CCDC60: variants seen among roughly 807,000 people sequenced by gnomAD.
The protein encoded by CCDC60 is coiled-coil domain-containing protein 60.
In CCDC60, 54 loss-of-function variants were observed where a neutral mutation model predicts 63.5. That is an observed-to-expected ratio of 0.85 (90% CI 0.68 to 1.07). The LOEUF is 1.07. CCDC60 is among the 50% of genes least tolerant of loss of function. The pLI is 0.00. For synonymous variants in CCDC60, 206 were observed against 238.8 expected, an observed-to-expected ratio of 0.86 and a Z score of 1.27; for missense variants, 651 against 684.3, an observed-to-expected ratio of 0.95 and a Z score of 0.54.
At chr12:119,464,162 T>C (rs1359829409) in intron 2 of CCDC60, among the ~76,000 whole-genome samples, 1 of 144,746 alleles carries the variant, frequency 6.9e-6, no homozygotes, top group African/African-American at 2.6e-5. Flanking sequence ...AAAGCTGAAG[T>C]TCCTGGGGGT....
chr12:119,344,365 A>G (rs1224362314), intron 1 of CCDC60, among the ~76,000 whole-genome samples: 1 of 152,112 alleles, frequency 6.6e-6, no homozygotes, highest in Non-Finnish European at 1.5e-5. Context: ...CGTCTAAATA[A>G]ATGATGCCGT....
chr12:119,360,186 C>G (rs530340317), intron 1 of CCDC60, among the ~76,000 whole-genome samples: 1 of 147,964 alleles, frequency 6.8e-6, no homozygotes, highest in Non-Finnish European at 1.5e-5. Context: ...ACCTCCCTCC[C>G]GGACAGGGCG....
At chr12:119,425,719 C>T (rs1176385830) in intron 1 of CCDC60, among the ~76,000 whole-genome samples, 1 of 152,206 alleles carries the variant, frequency 6.6e-6, no homozygotes, top group Admixed American at 6.5e-5. Context: ...CTCTGCTTCC[C>T]CATTTCTAGT....
intron 4 of CCDC60, among the ~76,000 whole-genome samples, chr12:119,480,943 A>T (rs1045653035): frequency 6.7e-6 from 1 of 150,222 alleles, no homozygotes; most frequent in Admixed American, 6.6e-5. Context: ...CATCATCACC[A>T]CCATCATCAC....
Position 119,462,910 on chromosome 12 carries a change from G to A in CCDC60, c.171-9084G>A, listed in dbSNP as rs185033557. 3.6e-3 allele frequency among the ~76,000 whole-genome samples: 547 copies of A among 151,940 alleles called. 6 individuals are homozygous for A. Among genetic ancestry groups the A allele is most frequent in the African/African-American group, 0.012 (512 of 41,414 alleles). On this transcript the variant is annotated intron_variant, in intron 2 of 13. Coordinates refer to ENST00000327554, the MANE Select transcript of CCDC60 (RefSeq NM_178499.5). ...GCGATGTCAGCTCTCTACAACCTCC[G>A]CCTCCCAGGTTCAAGTGATTCTTGT... is the stretch of plus-strand genomic sequence containing the variant.
chr12:119,455,081 G>A (rs1039944734), intron 2 of CCDC60, among the ~76,000 whole-genome samples: 7 of 152,214 alleles, frequency 4.6e-5, no homozygotes, highest in Admixed American at 2.0e-4. Flanking sequence ...CTAGCCTATC[G>A]GGAAAGGCAG....
At chr12:119,511,725 T>G (rs1488014909) in intron 7 of CCDC60, among the ~76,000 whole-genome samples, 1 of 152,212 alleles carries the variant, frequency 6.6e-6, no homozygotes, top group Non-Finnish European at 1.5e-5. Context: ...AAGGACTGCT[T>G]GATGTGCCAG....
At chr12:119,427,460 G>T (rs369728237) in intron 1 of CCDC60, among the ~76,000 whole-genome samples, 3 of 152,032 alleles carry the variant, frequency 2.0e-5, no homozygotes, top group African/African-American at 7.2e-5. Flanking sequence ...TATTTAACCT[G>T]TCTTCTATTG....
At chr12:119,453,904 A>G (rs1313353564) in intron 2 of CCDC60, among the ~76,000 whole-genome samples, 1 of 152,144 alleles carries the variant, frequency 6.6e-6, no homozygotes, top group Non-Finnish European at 1.5e-5. Context: ...GATTGTGATG[A>G]TGATGATGAT....
chr12:119,362,693 C>T (rs11064760), intron 1 of CCDC60, among the ~76,000 whole-genome samples: 1 of 152,078 alleles, frequency 6.6e-6, no homozygotes. Flanking sequence ...GGAGTGTTTC[C>T]TATTTAGGAC....
intron 2 of CCDC60, among the ~76,000 whole-genome samples, chr12:119,445,716 A>T (rs1195112281): frequency 6.6e-6 from 1 of 152,300 alleles, no homozygotes; most frequent in East Asian, 1.9e-4. Flanking sequence ...TCAGGGTTGG[A>T]TTAGCTTCGA....
chr12:119,381,310 T>A (rs1460032659), intron 1 of CCDC60, among the ~76,000 whole-genome samples: 1 of 152,220 alleles, frequency 6.6e-6, no homozygotes, highest in African/African-American at 2.4e-5. Context: ...CTCCATTAAT[T>A]GTCATGGGCT....
At chr12:119,522,903 C>T in intron 9 of CCDC60, 36 bp from the exon 10 acceptor site, 2 of 1,608,412 alleles carry the variant, frequency 1.2e-6, no homozygotes, top group Non-Finnish European at 8.5e-7. Flanking sequence ...GAAAAGCAGA[C>T]TCTGAGCAAC....
chr12:119,471,138 C>T (rs751709124), intron 2 of CCDC60, among the ~76,000 whole-genome samples: 5 of 152,192 alleles, frequency 3.3e-5, no homozygotes, highest in Admixed American at 1.3e-4. Flanking sequence ...ACTGGCAAAG[C>T]GCAGGGAGGT....
At chr12:119,488,683 C>A in intron 4 of CCDC60, 76 bp from the exon 5 acceptor site, 1 of 1,260,328 alleles carries the variant, frequency 7.9e-7, no homozygotes, top group Non-Finnish European at 1.2e-6. Context: ...AGTACCACTA[C>A]TATTTCTGTG....
chr12:119,418,804 C>G (rs925198556), intron 1 of CCDC60, among the ~76,000 whole-genome samples: 1 of 152,190 alleles, frequency 6.6e-6, no homozygotes, highest in African/African-American at 2.4e-5. Context: ...ATCAAGGGAC[C>G]ATGCATTTCA....
chr12:119,378,335 C>T (rs1486393237), intron 1 of CCDC60, among the ~76,000 whole-genome samples: 2 of 152,176 alleles, frequency 1.3e-5, no homozygotes, highest in East Asian at 3.9e-4. Context: ...TCTAGCTTGC[C>T]TTTCTATGTC....
In CCDC60 at chr12:119,354,819, A is replaced by T. The variant is rs553819822; in HGVS notation, c.90+19553A>T. ...TGTCTTTATGTTCTAGTAGCAGTAG[A>T]ATTCAGGCTAACAGAGACAAAGCCA... On this transcript the variant is annotated intron_variant, in intron 1 of 13. Coordinates refer to ENST00000327554, the MANE Select transcript of CCDC60 (RefSeq NM_178499.5). Among the ~76,000 whole-genome samples, 9 of 152,324 alleles carry T rather than the reference A, an allele frequency of 5.9e-5. No homozygotes were observed. The South Asian group carries it at 6.2e-4, about 11-fold the overall frequency.
chr12:119,409,311 G>T (rs757736074), intron 1 of CCDC60, among the ~76,000 whole-genome samples: 3 of 152,100 alleles, frequency 2.0e-5, no homozygotes, highest in Non-Finnish European at 4.4e-5. Flanking sequence ...ACGGCTTTGT[G>T]GGGGAAGAAG....
Sources: gnomAD v4.1 joint callset for allele counts (sites outside exome capture counted in the v4.1 genomes callset) on GRCh38, gnomAD v4.1.1 for gene constraint, MANE v1.5 for transcripts, NCBI Gene and HGNC (gene_info 2026-07-23, HGNC 2026-07-21) for gene names.